The following CAP2 variants were observed in gnomAD, a reference collection of about 807,000 sequenced individuals.
CAP2 encodes the protein adenylyl cyclase-associated protein 2.
A neutral mutation model predicts 57.7 loss-of-function variants in CAP2; 24 were observed. The ratio of observed to expected loss-of-function variants is 0.42; its 90% confidence interval spans 0.30 to 0.58. The LOEUF (loss-of-function observed/expected upper bound fraction) is 0.58, where lower values mean the gene tolerates loss of function less well. Ranked by LOEUF, CAP2 falls within the 20% of genes least tolerant of loss-of-function variation. The pLI is 0.22. For missense variants in CAP2, 501 were observed against 590.3 expected (o/e 0.85, Z 1.57); for synonymous variants, 194 against 207.2 (o/e 0.94, Z 0.55).
chr6:17,394,781 G>T (rs1285904173), intron 1 of CAP2, among the ~76,000 whole-genome samples: 1 of 152,196 alleles, frequency 6.6e-6, no homozygotes, highest in Non-Finnish European at 1.5e-5. Context: ...GAACTTTAGA[G>T]AATTGGATTT....
chr6:17,409,383 A>C (rs1055710498), intron 1 of CAP2, among the ~76,000 whole-genome samples: 1 of 151,740 alleles, frequency 6.6e-6, no homozygotes, highest in Non-Finnish European at 1.5e-5. Context: ...AAAAAAAAGG[A>C]AGTGTGGTGT....
intron 4 of CAP2, among the ~76,000 whole-genome samples, chr6:17,477,428 G>A (rs1464317221): frequency 1.3e-5 from 2 of 152,166 alleles, no homozygotes; most frequent in Admixed American, 6.5e-5. Context: ...CATAACGAGT[G>A]CTCAACAGGA....
intron 3 of CAP2, among the ~76,000 whole-genome samples, chr6:17,434,013 T>C (rs536819148): frequency 6.6e-6 from 1 of 152,206 alleles, no homozygotes; most frequent in African/African-American, 2.4e-5. Context: ...AACCACAGGA[T>C]TGCCCATTTA....
intron 4 of CAP2, among the ~76,000 whole-genome samples, chr6:17,494,678 C>T (rs1202899015): frequency 1.3e-5 from 2 of 152,072 alleles, no homozygotes; most frequent in South Asian, 2.1e-4. Context: ...CGTCTCTCTC[C>T]CCCTGTGATG....
chr6:17,428,442 A>C (rs963158904), intron 3 of CAP2, among the ~76,000 whole-genome samples: 1 of 152,130 alleles, frequency 6.6e-6, no homozygotes, highest in Non-Finnish European at 1.5e-5. Context: ...CTGTCTACCT[A>C]TAGATTTCTC....
In CAP2 at chr6:17,539,398, T is replaced by G. The variant is rs141374232; in HGVS notation, c.766T>G (p.Ser256Ala). Residue 256 changes from serine (S) to alanine (A), a missense_variant, in exon 8 of 13, where the codon TCT (serine) becomes GCT (alanine). Coordinates refer to ENST00000229922, the MANE Select transcript of CAP2 (RefSeq NM_006366.3). ...LFENEGKKEE[S>A]SPSRSALFAQ... is the part of the protein sequence containing the mutation. Reference sequence around the variant, plus strand: ...CGAGAATGAAGGCAAAAAAGAGGAATCTTCTCCTTCACGCTCAGCTTTATT... The same window carrying G: ...CGAGAATGAAGGCAAAAAAGAGGAAGCTTCTCCTTCACGCTCAGCTTTATT... The G allele has an allele frequency of 1.2e-6, 2 of 1,614,104 alleles. No homozygotes were observed. Among genetic ancestry groups the G allele is most frequent in the African/African-American group, 1.3e-5 (1 of 74,940 alleles).
At chr6:17,540,522 G>A (rs923601426) in intron 8 of CAP2, among the ~76,000 whole-genome samples, 1 of 151,700 alleles carries the variant, frequency 6.6e-6, no homozygotes, top group African/African-American at 2.4e-5. Flanking sequence ...AGGCCAAGGA[G>A]GGTGGATCAC....
At chr6:17,427,143 G>A (rs898092119) in intron 3 of CAP2, among the ~76,000 whole-genome samples, 7 of 152,200 alleles carry the variant, frequency 4.6e-5, no homozygotes, top group Admixed American at 2.6e-4. Flanking sequence ...AGTGAGCTGT[G>A]GAGTGATGTG....
rs1436176304 is a variant in CAP2, at chr6:17,434,223, CT to C, written c.222+7540del. On this transcript the variant is annotated intron_variant, in intron 3 of 12. Coordinates refer to ENST00000229922, the MANE Select transcript of CAP2 (RefSeq NM_006366.3). ...TTTAATTTCTTTTCTTTTTTTTTCT[CT>C]TTTTTTCTTTCTTTTTTTTTTTGAG... 2.1e-5 allele frequency among the ~76,000 whole-genome samples: 3 copies of C among 145,012 alleles called. No individual in the cohort carries two copies. In the South Asian group the frequency reaches 6.4e-4, roughly 31 times the overall value.
chr6:17,540,964 T>G lies in CAP2; in HGVS notation c.827-9T>G. 6.2e-7 allele frequency: 1 copy of G among 1,611,256 alleles called. No homozygotes were observed. The highest frequency in any genetic ancestry group is 8.5e-7 in the Non-Finnish European group (1 of 1,178,750). ...AAAATAAATGTGTCCATGTGTGTTG[T>G]CCTCCTAGGGCTCCGCCATGTCACA... On this transcript the variant is annotated splice_polypyrimidine_tract_variant and intron_variant, in intron 8 of 12. Transcript: ENST00000229922.
intron 4 of CAP2, among the ~76,000 whole-genome samples, chr6:17,474,817 T>C (rs958940391): frequency 2.0e-5 from 3 of 152,186 alleles, no homozygotes; most frequent in African/African-American, 7.2e-5. Context: ...TGACATATTG[T>C]GGTCTTCACA....
At chr6:17,493,473 T>G (rs747897665) in intron 4 of CAP2, 24 of 261,332 alleles carry the variant, frequency 9.2e-5, no homozygotes, top group African/African-American at 1.3e-4. Context: ...TAATGGAGGC[T>G]GGCTGTCTCA....
chr6:17,399,491 C>CA (rs1758755538), intron 1 of CAP2, among the ~76,000 whole-genome samples: 1 of 152,156 alleles, frequency 6.6e-6, no homozygotes, highest in South Asian at 2.1e-4. Flanking sequence ...GTTTCCCTTT[C>CA]AGTATACAGC....
At position 17,523,016 on chromosome 6, in the gene CAP2, G is replaced by A. The variant is rs138773448; in HGVS notation, c.636+9062G>A. Among the ~76,000 whole-genome samples, 6 of 152,286 alleles carry A rather than the reference G, an allele frequency of 3.9e-5. No individual in the cohort carries two copies. The East Asian group carries it at 1.2e-3, about 29-fold the overall frequency. On this transcript the variant is annotated intron_variant, in intron 7 of 12. Coordinates refer to ENST00000229922, the MANE Select transcript of CAP2 (RefSeq NM_006366.3). ...CCCAAAGTGCTGGGATTACAGGTGT[G>A]AGCCACCGTACCCAGCCTGCATGGG...
chr6:17,473,223 A>T (rs1386294489), intron 4 of CAP2, among the ~76,000 whole-genome samples: 1 of 152,218 alleles, frequency 6.6e-6, no homozygotes, highest in African/African-American at 2.4e-5. Flanking sequence ...ACTGTTCCAT[A>T]CTAAGTTCGT....
At chr6:17,471,755 CG>C (rs1426210406) in intron 4 of CAP2, among the ~76,000 whole-genome samples, 1 of 151,216 alleles carries the variant, frequency 6.6e-6, no homozygotes, top group Non-Finnish European at 1.5e-5. Context: ...GGCATGAACC[CG>C]GGAGGTGGAG....
chr6:17,435,641 C>A (rs1011178531), intron 3 of CAP2, among the ~76,000 whole-genome samples: 1 of 107,762 alleles, frequency 9.3e-6, no homozygotes, highest in African/African-American at 3.7e-5. Context: ...TGTAACTAAC[C>A]TGCACAATGT....
At chr6:17,501,891 T>C (rs188236270) in intron 4 of CAP2, among the ~76,000 whole-genome samples, 1 of 152,334 alleles carries the variant, frequency 6.6e-6, no homozygotes, top group Admixed American at 6.5e-5. Context: ...AGTTTGTTCA[T>C]GCATCTCTTC....
chr6:17,523,691 G>A (rs553809366), intron 7 of CAP2, among the ~76,000 whole-genome samples: 3 of 152,338 alleles, frequency 2.0e-5, no homozygotes, highest in African/African-American at 7.2e-5. Context: ...GTAAGCTGTG[G>A]TGAATAAGGA....
Sources: allele counts gnomAD v4.1 joint callset (sites outside exome capture counted in the v4.1 genomes callset), GRCh38; gene constraint gnomAD v4.1.1; transcripts MANE v1.5; gene names NCBI Gene and HGNC (gene_info 2026-07-23, HGNC 2026-07-21).